The following HECTD4 variants were observed in gnomAD, a reference collection of about 807,000 sequenced individuals.
HECTD4 encodes the protein probable E3 ubiquitin-protein ligase HECTD4.
Under a neutral mutation model 471.5 loss-of-function variants are expected in HECTD4, and 114 were observed. The ratio of observed to expected loss-of-function variants is 0.24; its 90% confidence interval spans 0.21 to 0.28. The LOEUF (loss-of-function observed/expected upper bound fraction) is 0.28, where lower values mean the gene tolerates loss of function less well. HECTD4 is among the 10% of genes least tolerant of loss of function. The pLI is 1.00. For missense variants in HECTD4, 3,866 were observed against 5,651.5 expected, an observed-to-expected ratio of 0.68 and a Z score of 10.13; for synonymous variants, 2,012 against 2,256.0, an observed-to-expected ratio of 0.89 and a Z score of 3.07.
intron 7 of HECTD4, among the ~76,000 whole-genome samples, chr12:112,302,978 CTTTTT>C (rs3031817): frequency 8.3e-6 from 1 of 120,720 alleles, no homozygotes; most frequent in African/African-American, 3.1e-5. Context: ...TTTGTCTGCT[CTTTTT>C]TTTTTTTTTT....
chr12:112,228,602 T>C lies in HECTD4; in HGVS notation c.6684+45A>G. On this transcript the variant is annotated intron_variant, in intron 42 of 75. Coordinates refer to ENST00000682272, the MANE Select transcript of HECTD4 (RefSeq NM_001388303.1). The surrounding 1 kb of genome is among the most constrained non-coding windows in gnomAD (Gnocchi z 4.9). ...TGTGCATAGACTCATTACAGTACAG[T>C]TACCATTGGCAGACATTTTACAAAG... The C allele has an allele frequency of 6.5e-7, 1 of 1,548,310 alleles. No individual in the cohort carries two copies. Among genetic ancestry groups the C allele is most frequent in the Non-Finnish European group, 8.8e-7 (1 of 1,140,156 alleles).
rs117527897 is a variant in HECTD4, at chr12:112,272,526, G to A, written c.1942+1129C>T. Among the ~76,000 whole-genome samples the A allele has an allele frequency of 5.5e-4, 84 of 152,280 alleles. 1 individual carries two copies. The East Asian group carries it at 0.013, about 24-fold the overall frequency. On this transcript the variant is annotated intron_variant, in intron 11 of 75. Coordinates refer to ENST00000682272, the MANE Select transcript of HECTD4 (RefSeq NM_001388303.1). Reference sequence around the variant, plus strand: ...GGGAGAAGTGCAGCAAAGTTCACGCGGTTTTAAACTCTGCTCTGGTTTTTA... The same window carrying A: ...GGGAGAAGTGCAGCAAAGTTCACGCAGTTTTAAACTCTGCTCTGGTTTTTA...
chr12:112,172,562 G>A, intron 67 of HECTD4, 109 bp downstream of exon 67: 3 of 1,071,318 alleles, frequency 2.8e-6, no homozygotes, highest in South Asian at 2.9e-5. Flanking sequence ...GTGTTCATAA[G>A]TGTTCGTTCG....
At chr12:112,318,377 A>G (rs1473405138) in intron 2 of HECTD4, among the ~76,000 whole-genome samples, 1 of 146,342 alleles carries the variant, frequency 6.8e-6, no homozygotes, top group African/African-American at 2.5e-5. Flanking sequence ...ACAGCATACA[A>G]TTTTTTTTTT....
chr12:112,308,506 A>AT (rs967854942), intron 6 of HECTD4, among the ~76,000 whole-genome samples: 1 of 151,974 alleles, frequency 6.6e-6, no homozygotes, highest in Non-Finnish European at 1.5e-5. Flanking sequence ...ACTGTCTAGA[A>AT]TTTTTTCTTA....
intron 7 of HECTD4, among the ~76,000 whole-genome samples, chr12:112,291,237 T>C (rs2135657832): frequency 6.6e-6 from 1 of 152,330 alleles, no homozygotes; most frequent in Admixed American, 6.5e-5. Flanking sequence ...ACTATCACTC[T>C]AGATACAAGT....
chr12:112,172,502 C>T (rs2031266388), intron 67 of HECTD4, among the ~76,000 whole-genome samples, 169 bp downstream of exon 67: 1 of 152,242 alleles, frequency 6.6e-6, no homozygotes, highest in Non-Finnish European at 1.5e-5. Context: ...CCTGCCTTGC[C>T]CTCCCTGTTT....
At chr12:112,287,755 T>TA (rs927005788) in intron 7 of HECTD4, among the ~76,000 whole-genome samples, 7 of 151,164 alleles carry the variant, frequency 4.6e-5, no homozygotes, top group African/African-American at 9.7e-5. Flanking sequence ...CCCCACTCTC[T>TA]AAAAAAAAGA....
chr12:112,366,932 A>ATT (rs201645230), intron 1 of HECTD4, among the ~76,000 whole-genome samples: 32 of 146,736 alleles, frequency 2.2e-4, no homozygotes, highest in African/African-American at 7.7e-4. Flanking sequence ...GCTTGTTACT[A>ATT]TTTTTTTTTT....
In HECTD4 at chr12:112,270,271, T is replaced by G; in HGVS notation, c.2131A>C (p.Asn711His). ...CAGCGTATAATACAGGTATCTCCAT[T>G]AACCATGGCCTTCTCCATAATGTCA... The part of the protein sequence containing the change: ...ICDIMEKAMV[N>H]GDTCIIRCIL... The change falls in exon 12 of 76, where the codon AAT (asparagine) becomes CAT (histidine). Residue 711 changes from asparagine to histidine, a missense_variant. Transcript: ENST00000682272. 6.2e-7 allele frequency: 1 copy of G among 1,614,058 alleles called. No homozygotes were observed. The highest frequency in any genetic ancestry group is 8.5e-7 in the Non-Finnish European group (1 of 1,179,892).
At chr12:112,367,848 A>AAAAG (rs2036597105) in intron 1 of HECTD4, among the ~76,000 whole-genome samples, 1 of 146,668 alleles carries the variant, frequency 6.8e-6, no homozygotes, top group African/African-American at 2.6e-5. Context: ...AAAAAAAAAA[A>AAAAG]CGCTAACACG....
intron 60 of HECTD4, 62 bp from the exon 61 acceptor site, chr12:112,185,555 G>C (rs1342447464): frequency 7.6e-7 from 1 of 1,309,778 alleles, no homozygotes; most frequent in East Asian, 2.4e-5. Context: ...TCCAGGCGCA[G>C]TTCTGAGCCT....
rs1423777457 is a variant in HECTD4, at chr12:112,381,158, C to A, written c.177+794G>T. ...AAGTGAAGTCGATGGAAAGTTCCCA[C>A]CAACCAGGCATATTTGGTTCCCTTC... On this transcript the variant is annotated intron_variant, in intron 1 of 75. Transcript: ENST00000682272. This position sits in a 1 kb window ranked among gnomAD's most constrained non-coding sequence, Gnocchi z 4.1. Among the ~76,000 whole-genome samples the A allele has an allele frequency of 6.6e-6, 1 of 152,196 alleles. No individual in the cohort carries two copies. Among genetic ancestry groups the A allele is most frequent in the Non-Finnish European group, 1.5e-5 (1 of 68,038 alleles).
In HECTD4 at chr12:112,239,865, G is replaced by T. The variant is rs1336972613; in HGVS notation, c.5105+16C>A. The T allele has an allele frequency of 6.9e-6, 11 of 1,601,544 alleles. No individual in the cohort carries two copies. Among genetic ancestry groups the T allele is most frequent in the Non-Finnish European group, 9.4e-6 (11 of 1,171,954 alleles). ...CAGGGTAACTTACATACAACAAAAG[G>T]CCTTTCCGTACTTACCTGGTGTAAG... On this transcript the variant is annotated intron_variant, in intron 33 of 75. Coordinates refer to ENST00000682272, the MANE Select transcript of HECTD4 (RefSeq NM_001388303.1). The surrounding 1 kb of genome is among the most constrained non-coding windows in gnomAD (Gnocchi z 4.9).
At chr12:112,175,966 C>T (rs2031428580) in intron 65 of HECTD4, 107 bp from the exon 66 acceptor site, 20 of 1,362,416 alleles carry the variant, frequency 1.5e-5, no homozygotes, top group Non-Finnish European at 1.9e-5. Flanking sequence ...CCCAACCCAT[C>T]TAATTCCCCT....
chr12:112,376,440 G>A (rs2036782734), intron 1 of HECTD4, among the ~76,000 whole-genome samples: 1 of 151,964 alleles, frequency 6.6e-6, no homozygotes, highest in South Asian at 2.1e-4. Context: ...TAGAGACGGG[G>A]TTTCACCGTG....
chr12:112,226,548 G>C, intron 44 of HECTD4, 95 bp downstream of exon 44: 1 of 688,118 alleles, frequency 1.5e-6, no homozygotes. Context: ...GTTTTGATGT[G>C]TGTGTATGAA....
intron 7 of HECTD4, among the ~76,000 whole-genome samples, chr12:112,292,120 A>G (rs1015637674): frequency 6.6e-6 from 1 of 152,042 alleles, no homozygotes; most frequent in Non-Finnish European, 1.5e-5. Flanking sequence ...CCTATAAGAT[A>G]TGGCCCTGGC....
At position 112,228,730 on chromosome 12, in the gene HECTD4, G is replaced by A. The variant is rs749933116; in HGVS notation, c.6601C>T (p.Pro2201Ser). The A allele has an allele frequency of 5.6e-6, 9 of 1,613,328 alleles. No individual in the cohort carries two copies. The South Asian group carries it at 7.7e-5, about 14-fold the overall frequency. The change falls in exon 42 of 76, where the codon CCA becomes TCA. Residue 2201 changes from proline to serine, a missense_variant. By Grantham distance (74) the Pro-to-Ser change is moderately conservative (BLOSUM62 -1). Transcript: ENST00000682272. This position sits in a 1 kb window ranked among gnomAD's most constrained non-coding sequence, Gnocchi z 4.9. ...EQEGIATVRF[P>S]PIDCRKTSQA... ...GAAGTCTTTCTACAGTCTATGGGTGGGAATCTGACTGTAGCTATACCTTCC... is the reference window on the plus strand; with the variant it reads ...GAAGTCTTTCTACAGTCTATGGGTGAGAATCTGACTGTAGCTATACCTTCC...
Sources: gnomAD v4.1 joint callset for allele counts (sites outside exome capture counted in the v4.1 genomes callset) on GRCh38, gnomAD v4.1.1 for gene constraint, Gnocchi (gnomAD v3.1) non-coding constraint, MANE v1.5 for transcripts, NCBI Gene and HGNC (gene_info 2026-07-23, HGNC 2026-07-21) for gene names.